The following CDC73 variants were observed in gnomAD, a reference collection of about 807,000 sequenced individuals.
CDC73 encodes parafibromin.
CDC73 carries 21 observed loss-of-function variants against 83.7 expected under a neutral mutation model. The observed-to-expected ratio is 0.25, with a 90% confidence interval of 0.18 to 0.36. CDC73 has a LOEUF of 0.36. Among genes scored for constraint, CDC73 ranks in the 10% least tolerant of loss-of-function variants. The pLI is 1.00. For missense variants in CDC73, 342 were observed against 653.3 expected, an observed-to-expected ratio of 0.52 and a Z score of 5.19; for synonymous variants, 224 against 212.9, an observed-to-expected ratio of 1.05 and a Z score of -0.45.
At chr1:193,147,460 C>T (rs545177421) in intron 7 of CDC73, among the ~76,000 whole-genome samples, 15 of 150,920 alleles carry the variant, frequency 9.9e-5, no homozygotes, top group African/African-American at 2.0e-4. Context: ...CTCCGCCTCC[C>T]GTGTTCACAC....
At chr1:193,171,191 CG>C (rs1676513122) in intron 10 of CDC73, among the ~76,000 whole-genome samples, 1 of 152,156 alleles carries the variant, frequency 6.6e-6, no homozygotes, top group African/African-American at 2.4e-5. Context: ...TAGGTCCCAG[CG>C]ATATTCCCAG....
intron 11 of CDC73, among the ~76,000 whole-genome samples, chr1:193,204,275 GTGTA>G (rs1283704611): frequency 4.4e-4 from 59 of 134,312 alleles, no homozygotes; most frequent in African/African-American, 1.3e-3. Context: ...GTGTGTGTGT[GTGTA>G]TATATATATT....
rs2102058509 is a variant in CDC73 at position 193,233,167 on chromosome 1, C to G, written c.1316+13C>G. 4 of 1,592,448 alleles carry G rather than the reference C, an allele frequency of 2.5e-6. No homozygotes were observed. Among genetic ancestry groups the G allele is most frequent in the Non-Finnish European group, 3.4e-6 (4 of 1,161,194 alleles). On this transcript the variant is annotated intron_variant, in intron 14 of 16. Coordinates refer to ENST00000367435, the MANE Select transcript of CDC73 (RefSeq NM_024529.5). ...TGCCTCAAGACTGGTAAGATAGTCT[C>G]TATATATATATCTTTTCACAGGTGT... is the stretch of plus-strand genomic sequence containing the variant.
chr1:193,210,491 C>G (rs891725490), intron 11 of CDC73, among the ~76,000 whole-genome samples: 1 of 152,208 alleles, frequency 6.6e-6, no homozygotes, highest in African/African-American at 2.4e-5. Flanking sequence ...ATAGAACTTG[C>G]AGCACTTTTT....
chr1:193,218,974 A>G (rs1677416771), intron 13 of CDC73, among the ~76,000 whole-genome samples: 1 of 152,250 alleles, frequency 6.6e-6, no homozygotes, highest in African/African-American at 2.4e-5. Context: ...CAGACAACAT[A>G]CAGAATGGGA....
intron 13 of CDC73, among the ~76,000 whole-genome samples, chr1:193,222,857 T>C (rs1306065678): frequency 6.6e-6 from 1 of 151,298 alleles, no homozygotes; most frequent in African/African-American, 2.4e-5. Context: ...TCTCATTCTA[T>C]CTTCCATGTT....
chr1:193,205,857 A>G (rs1177028389), intron 11 of CDC73, among the ~76,000 whole-genome samples: 1 of 152,186 alleles, frequency 6.6e-6, no homozygotes, highest in Non-Finnish European at 1.5e-5. Context: ...GGCCCAAAGA[A>G]TACTAAACAT....
At chr1:193,190,896 A>T (rs1265687111) in intron 10 of CDC73, among the ~76,000 whole-genome samples, 1 of 152,088 alleles carries the variant, frequency 6.6e-6, no homozygotes, top group Non-Finnish European at 1.5e-5. Flanking sequence ...GTTTGTGAGG[A>T]TGTTTCTAGT....
At chr1:193,156,865 T>G (rs1676215884) in intron 10 of CDC73, among the ~76,000 whole-genome samples, 1 of 152,146 alleles carries the variant, frequency 6.6e-6, no homozygotes, top group African/African-American at 2.4e-5. Context: ...GCTGTGTGCC[T>G]GGCAGTGTGC....
intron 2 of CDC73, among the ~76,000 whole-genome samples, chr1:193,129,126 T>C (rs1486968409): frequency 6.6e-6 from 1 of 151,538 alleles, no homozygotes; most frequent in Non-Finnish European, 1.5e-5. Context: ...GCCTCCCGAG[T>C]AGCAGGGACT....
intron 11 of CDC73, among the ~76,000 whole-genome samples, chr1:193,208,544 C>G (rs1677225973): frequency 6.6e-6 from 1 of 152,182 alleles, no homozygotes; most frequent in Admixed American, 6.5e-5. Flanking sequence ...CCTAACTGAG[C>G]TTTCTGCCTT....
At chr1:193,182,205 T>C (rs1340196360) in intron 10 of CDC73, among the ~76,000 whole-genome samples, 2 of 152,150 alleles carry the variant, frequency 1.3e-5, no homozygotes, top group Non-Finnish European at 2.9e-5. Context: ...GCTTGGCATG[T>C]TTCCATTGGC....
intron 14 of CDC73, 85 bp downstream of exon 14, chr1:193,233,239 T>C (rs2102058609): frequency 8.0e-7 from 1 of 1,245,852 alleles, no homozygotes; most frequent in East Asian, 2.3e-5. Context: ...TGACGTTGCT[T>C]TTTAAGAGAT....
intron 7 of CDC73, among the ~76,000 whole-genome samples, chr1:193,147,149 C>T (rs7548672): frequency 2.3e-4 from 35 of 152,042 alleles, no homozygotes; most frequent in African/African-American, 7.5e-4. Context: ...TCCACCACCA[C>T]GCCCAGCTAA....
At chr1:193,216,963 C>G (rs752514250) in intron 13 of CDC73, among the ~76,000 whole-genome samples, 3 of 152,186 alleles carry the variant, frequency 2.0e-5, no homozygotes, top group African/African-American at 7.2e-5. Context: ...CCGTCTATGA[C>G]AGTCCTACAG....
At position 193,214,428 on chromosome 1, in the gene CDC73, A is replaced by G. The variant is rs533998463; in HGVS notation, c.1154+1951A>G. Among the ~76,000 whole-genome samples the G allele has an allele frequency of 1.6e-4, 24 of 152,256 alleles. No individual in the cohort carries two copies. In the South Asian group the frequency reaches 3.9e-3, roughly 25 times the overall value. ...TGTACCTGAGGGGAATTAAAAATGCAGATTATTGGCTGGGCACGGTGGCTC... is the reference window on the plus strand; with the variant it reads ...TGTACCTGAGGGGAATTAAAAATGCGGATTATTGGCTGGGCACGGTGGCTC... On this transcript the variant is annotated intron_variant, in intron 13 of 16. Transcript: ENST00000367435.
rs1048444592 is a variant in CDC73, at chr1:193,201,290, G to A, written c.973-2505G>A. 6.6e-5 allele frequency among the ~76,000 whole-genome samples: 10 copies of A among 152,260 alleles called. No homozygotes were observed. In the East Asian group the frequency reaches 1.9e-3, roughly 29 times the overall value. On this transcript the variant is annotated intron_variant, in intron 10 of 16. Coordinates refer to ENST00000367435, the MANE Select transcript of CDC73 (RefSeq NM_024529.5). Reference sequence around the variant, plus strand: ...TGCTGAGATGGGAGATTTGACTCATGTAATCAAGAATGGTTAAGGGTAAAG... The same window carrying A: ...TGCTGAGATGGGAGATTTGACTCATATAATCAAGAATGGTTAAGGGTAAAG...
intron 10 of CDC73, among the ~76,000 whole-genome samples, chr1:193,167,309 G>GT (rs755318381): frequency 1.3e-5 from 2 of 152,058 alleles, no homozygotes; most frequent in Non-Finnish European, 2.9e-5. Flanking sequence ...CCTGCCTGTA[G>GT]TTTTTTTATG....
At position 193,143,240 on chromosome 1, in the gene CDC73, T is replaced by C. The variant is rs1675937087; in HGVS notation, c.729+1174T>C. On this transcript the variant is annotated intron_variant, in intron 7 of 16. Transcript: ENST00000367435. The stretch of plus-strand genomic sequence containing the variant: ...TCCAGAGCTTAGAATTATAGAGAAA[T>C]CTGAGGATGTGAGTAAACTTCCATT... Among the ~76,000 whole-genome samples, 3 of 152,192 alleles carry C rather than the reference T, an allele frequency of 2.0e-5. No individual in the cohort carries two copies. The South Asian group carries it at 6.2e-4, about 31-fold the overall frequency.
Sources: allele counts gnomAD v4.1 joint callset (sites outside exome capture counted in the v4.1 genomes callset), GRCh38; gene constraint gnomAD v4.1.1; transcripts MANE v1.5; gene names NCBI Gene and HGNC (gene_info 2026-07-23, HGNC 2026-07-21).